CDK14: variants seen among roughly 807,000 people sequenced by gnomAD.
CDK14 encodes cyclin-dependent kinase 14.
A neutral mutation model predicts 60.7 loss-of-function variants in CDK14; 34 were observed. The ratio of observed to expected loss-of-function variants is 0.56; its 90% CI spans 0.43 to 0.75. CDK14 has a LOEUF of 0.75. Among genes scored for constraint, CDK14 ranks in the 30% least tolerant of loss-of-function variants. The pLI, the probability that CDK14 is intolerant of heterozygous loss-of-function variation, is 0.00. For missense variants in CDK14, 482 were observed against 564.1 expected (o/e 0.85, Z 1.47); for synonymous variants, 197 against 203.7 (o/e 0.97, Z 0.28).
chr7:91,089,451 C>T (rs184776127), intron 12 of CDK14, among the ~76,000 whole-genome samples: 1 of 152,136 alleles, frequency 6.6e-6, no homozygotes, highest in African/African-American at 2.4e-5. Context: ...CCAACCTCCT[C>T]CCCTCTTTTT....
At chr7:91,041,508 C>T (rs1322945132) in intron 10 of CDK14, among the ~76,000 whole-genome samples, 1 of 152,138 alleles carries the variant, frequency 6.6e-6, no homozygotes, top group Non-Finnish European at 1.5e-5. Context: ...AACTTCTTCC[C>T]TATATAAGTG....
At chr7:90,793,936 A>G (rs570165899) in intron 5 of CDK14, among the ~76,000 whole-genome samples, 19 of 152,286 alleles carry the variant, frequency 1.2e-4, no homozygotes, top group African/African-American at 4.3e-4. Context: ...CTCTAATACA[A>G]TAAACAATTG....
At chr7:91,190,486 G>A (rs1008855951) in intron 14 of CDK14, among the ~76,000 whole-genome samples, 15 of 152,240 alleles carry the variant, frequency 9.9e-5, no homozygotes, top group Non-Finnish European at 7.4e-5. Context: ...TTTGTTTCTT[G>A]TTTTTGTCTG....
intron 14 of CDK14, among the ~76,000 whole-genome samples, chr7:91,186,012 T>C (rs915162937): frequency 2.4e-4 from 36 of 152,152 alleles, no homozygotes; most frequent in Non-Finnish European, 8.8e-5. Flanking sequence ...ATGTGGCCTT[T>C]TGTGACTGGC....
intron 10 of CDK14, among the ~76,000 whole-genome samples, chr7:91,040,972 G>T (rs529824936): frequency 6.6e-6 from 1 of 152,188 alleles, no homozygotes; most frequent in Non-Finnish European, 1.5e-5. Flanking sequence ...CTTTTCTCCT[G>T]TTATTTGGAG....
At chr7:90,989,643 C>CA (rs1390396972) in intron 10 of CDK14, among the ~76,000 whole-genome samples, 1 of 152,028 alleles carries the variant, frequency 6.6e-6, no homozygotes, top group African/African-American at 2.4e-5. Flanking sequence ...CCAGCAATAA[C>CA]GGTGGATTCT....
At chr7:91,103,091 A>G (rs1160653656) in intron 12 of CDK14, among the ~76,000 whole-genome samples, 1 of 152,032 alleles carries the variant, frequency 6.6e-6, no homozygotes, top group Non-Finnish European at 1.5e-5. Flanking sequence ...GATCTCTACT[A>G]AAAATGTAAG....
At chr7:91,153,010 C>CT (rs910366483) in intron 14 of CDK14, among the ~76,000 whole-genome samples, 7 of 152,156 alleles carry the variant, frequency 4.6e-5, no homozygotes, top group Non-Finnish European at 8.8e-5. Context: ...ATTGATACAT[C>CT]TGTTTCAGTG....
intron 2 of CDK14, among the ~76,000 whole-genome samples, chr7:90,692,356 G>T (rs972974798): frequency 1.3e-5 from 2 of 152,078 alleles, no homozygotes; most frequent in Non-Finnish European, 2.9e-5. Context: ...ATGGCTGTGT[G>T]TTTATTTCAA....
At chr7:90,915,221 G>A (rs1793038686) in intron 7 of CDK14, among the ~76,000 whole-genome samples, 1 of 152,158 alleles carries the variant, frequency 6.6e-6, no homozygotes, top group South Asian at 2.1e-4. Context: ...CAGATCATGA[G>A]GTCAGGAGAT....
chr7:91,203,877 C>G (rs373829459), intron 14 of CDK14, among the ~76,000 whole-genome samples: 18 of 152,220 alleles, frequency 1.2e-4, no homozygotes, highest in African/African-American at 4.3e-4. Context: ...CAAAAAGATG[C>G]CAGTGCCTAG....
At chr7:91,179,120 A>T (rs934354962) in intron 14 of CDK14, among the ~76,000 whole-genome samples, 1 of 152,106 alleles carries the variant, frequency 6.6e-6, no homozygotes, top group Non-Finnish European at 1.5e-5. Context: ...TGGAACAATG[A>T]TAGACTGGAT....
intron 8 of CDK14, among the ~76,000 whole-genome samples, chr7:90,948,768 C>T (rs1029375180): frequency 2.6e-5 from 4 of 152,242 alleles, no homozygotes; most frequent in Admixed American, 2.6e-4. Flanking sequence ...TCATCATACA[C>T]ATAGTGAAAC....
intron 2 of CDK14, among the ~76,000 whole-genome samples, chr7:90,668,699 C>CTTTTT (rs59773768): frequency 3.4e-5 from 3 of 87,538 alleles, no homozygotes; most frequent in African/African-American, 8.7e-5. Flanking sequence ...GACTCGCATT[C>CTTTTT]TTTTTTTTTT....
chr7:91,180,630 T>G (rs1801972283), intron 14 of CDK14, among the ~76,000 whole-genome samples: 1 of 152,168 alleles, frequency 6.6e-6, no homozygotes, highest in Non-Finnish European at 1.5e-5. Context: ...TATTTTTAAT[T>G]AAAATAAAAC....
At chr7:90,767,228 A>G (rs1441582468) in intron 4 of CDK14, among the ~76,000 whole-genome samples, 1 of 152,210 alleles carries the variant, frequency 6.6e-6, no homozygotes, top group African/African-American at 2.4e-5. Context: ...ATGTGCCTGC[A>G]TCCTAAACTC....
intron 2 of CDK14, among the ~76,000 whole-genome samples, chr7:90,695,286 A>G (rs985652841): frequency 6.6e-6 from 1 of 152,156 alleles, no homozygotes; most frequent in Admixed American, 6.6e-5. Flanking sequence ...ATCCCCTGAC[A>G]TTATGAGGTC....
intron 6 of CDK14, among the ~76,000 whole-genome samples, chr7:90,871,626 A>G (rs905856974): frequency 2.6e-5 from 4 of 152,220 alleles, no homozygotes; most frequent in African/African-American, 7.2e-5. Context: ...TGCTAAAAGC[A>G]TTCAAATAGA....
intron 8 of CDK14, among the ~76,000 whole-genome samples, chr7:90,949,645 C>T (rs1794197714): frequency 6.6e-6 from 1 of 152,048 alleles, no homozygotes; most frequent in Non-Finnish European, 1.5e-5. Context: ...GGACTTAATT[C>T]CTTTTTATTT....
Sources: gnomAD v4.1 joint callset for allele counts (sites outside exome capture counted in the v4.1 genomes callset) on GRCh38, gnomAD v4.1.1 for gene constraint, MANE v1.5 for transcripts, NCBI Gene and HGNC (gene_info 2026-07-23, HGNC 2026-07-21) for gene names.